The following PLAA variants were observed in gnomAD, a reference collection of about 807,000 sequenced individuals.
The protein encoded by PLAA is phospholipase A-2-activating protein.
A neutral mutation model predicts 84.1 loss-of-function variants in PLAA; 48 were observed. The observed-to-expected ratio is 0.57, with a 90% CI of 0.45 to 0.73. The LOEUF (loss-of-function observed/expected upper bound fraction) is 0.73. Ranked by LOEUF, PLAA falls within the 30% of genes least tolerant of loss-of-function variation. PLAA has a pLI of 0.00. For synonymous variants in PLAA, 392 were observed against 336.6 expected, an observed-to-expected ratio of 1.16 and a Z score of -1.80; for missense variants, 903 against 954.7, an observed-to-expected ratio of 0.95 and a Z score of 0.71.
intron 6 of PLAA, 149 bp downstream of exon 6, chr9:26,925,676 A>G (rs1824924934): frequency 1.6e-6 from 1 of 623,096 alleles, no homozygotes; most frequent in South Asian, 2.2e-5. Context: ...TGAAAGCTAT[A>G]ATATCTACTA....
intron 11 of PLAA, among the ~76,000 whole-genome samples, chr9:26,911,300 G>A (rs768861639): frequency 2.0e-5 from 3 of 152,124 alleles, no homozygotes; most frequent in Non-Finnish European, 4.4e-5. Flanking sequence ...TTACAGGCAT[G>A]AGCTACCACG....
At chr9:26,935,276 G>T in intron 1 of PLAA, 70 bp from the exon 2 acceptor site, 2 of 973,374 alleles carry the variant, frequency 2.1e-6, no homozygotes, top group Non-Finnish European at 3.0e-6. Context: ...AACTGTCAAA[G>T]CACTCATTTT....
chr9:26,909,883 C>T (rs1221968062), intron 12 of PLAA, among the ~76,000 whole-genome samples: 3 of 152,148 alleles, frequency 2.0e-5, no homozygotes, highest in African/African-American at 7.2e-5. Context: ...CTTGGCCTCC[C>T]AAAGTGCTGG....
intron 4 of PLAA, 90 bp downstream of exon 4, chr9:26,928,010 A>G: frequency 7.2e-7 from 1 of 1,382,834 alleles, no homozygotes; most frequent in Non-Finnish European, 9.9e-7. Context: ...AATGTTTTTC[A>G]AATATTTTCA....
rs1213857657 is a variant in PLAA at position 26,905,731 on chromosome 9, GCT to G, written c.2166_2167del (p.Lys722AsnfsTer8). 6.2e-7 allele frequency: 1 copy of G among 1,613,810 alleles called. No homozygotes were observed. The highest frequency in any genetic ancestry group is 8.5e-7 in the Non-Finnish European group (1 of 1,179,732). On this transcript the variant is annotated frameshift_variant, in exon 14 of 14. Transcript: ENST00000397292. LOFTEE classifies it high-confidence loss of function. Reference sequence around the variant, plus strand: ...TGTGCTAATTAGTGACAAACATTGGGCTTTCCCTTCAATGTTATGGTCTTTAT... The same window carrying G: ...TGTGCTAATTAGTGACAAACATTGGGTTCCCTTCAATGTTATGGTCTTTAT...
intron 1 of PLAA, among the ~76,000 whole-genome samples, chr9:26,941,714 C>T (rs931218449): frequency 2.0e-5 from 3 of 148,246 alleles, no homozygotes; most frequent in Non-Finnish European, 4.4e-5. Context: ...GAAACAAGGA[C>T]ATAATTTCAC....
At chr9:26,913,543 T>TA (rs1370875757) in intron 11 of PLAA, among the ~76,000 whole-genome samples, 5 of 152,166 alleles carry the variant, frequency 3.3e-5, no homozygotes, top group Non-Finnish European at 7.3e-5. Flanking sequence ...TTTACGACAG[T>TA]AAAACAGTAG....
intron 2 of PLAA, among the ~76,000 whole-genome samples, chr9:26,931,421 T>A (rs1825181637): frequency 6.6e-6 from 1 of 152,196 alleles, no homozygotes; most frequent in South Asian, 2.1e-4. Flanking sequence ...ATTACCATTA[T>A]GTGAAAGGCT....
intron 1 of PLAA, among the ~76,000 whole-genome samples, chr9:26,939,845 G>A (rs765392852): frequency 1.3e-4 from 20 of 152,052 alleles, no homozygotes; most frequent in Admixed American, 6.6e-4. Context: ...GGTACAGGAA[G>A]AAGATATAAC....
At chr9:26,909,252 A>G (rs2131365494) in intron 12 of PLAA, among the ~76,000 whole-genome samples, 1 of 152,346 alleles carries the variant, frequency 6.6e-6, no homozygotes, top group East Asian at 1.9e-4. Context: ...AGGTATTAAC[A>G]GCTTTAACTC....
chr9:26,907,311 C>T (rs1023355864), intron 13 of PLAA, among the ~76,000 whole-genome samples: 2 of 151,860 alleles, frequency 1.3e-5, no homozygotes, highest in Non-Finnish European at 2.9e-5. Context: ...GGGAGGATCA[C>T]GAGGTCAGGA....
At chr9:26,915,834 GTTCT>G (rs1824534358) in intron 10 of PLAA, 6 of 985,148 alleles carry the variant, frequency 6.1e-6, no homozygotes, top group Non-Finnish European at 7.2e-6. Flanking sequence ...AGCTTGATAT[GTTCT>G]TTCTGTTCCA....
intron 7 of PLAA, among the ~76,000 whole-genome samples, chr9:26,921,332 G>A (rs1824751920): frequency 6.6e-6 from 1 of 152,192 alleles, no homozygotes; most frequent in Non-Finnish European, 1.5e-5. Context: ...TACAGCTGTA[G>A]TTGTCTAGCC....
At chr9:26,914,455 G>C (rs1047853125) in intron 10 of PLAA, among the ~76,000 whole-genome samples, 37 of 151,928 alleles carry the variant, frequency 2.4e-4, no homozygotes, top group African/African-American at 8.2e-4. Context: ...CAGAATAATG[G>C]ATCAGCCTTT....
At position 26,904,204 on chromosome 9, in the gene PLAA, T is replaced by C. The variant is rs1368139522; in HGVS notation, c.*1307A>G. ...TGACAATTAGAACCTTTCTTGCCCA[T>C]TTGGGGAACAATTATTCTTCTAAGG... is the stretch of plus-strand genomic sequence containing the variant. On this transcript the variant is annotated 3_prime_UTR_variant, in exon 14 of 14. Transcript: ENST00000397292. 1 of 152,236 alleles carries C rather than the reference T, an allele frequency of 6.6e-6. No individual in the cohort carries two copies. Among genetic ancestry groups the C allele is most frequent in the Non-Finnish European group, 1.5e-5 (1 of 68,006 alleles). The allele number at this position is 152,236 out of a possible 1,614,324, so 9.4% of individuals were successfully genotyped here.
At chr9:26,934,904 T>C in intron 2 of PLAA, 109 bp downstream of exon 2, 2 of 804,300 alleles carry the variant, frequency 2.5e-6, no homozygotes, top group Non-Finnish European at 3.8e-6. Flanking sequence ...AAACCACAGA[T>C]ATAGGTAAAA....
At position 26,918,114 on chromosome 9, in the gene PLAA, AT is replaced by A. The variant is rs549868500; in HGVS notation, c.1418-950del. ...AGTTACTTTGATAATTTTTTTTAAA[AT>A]TTTTTGATTTTTTTCAGACGGAATC... On this transcript the variant is annotated intron_variant, in intron 9 of 13. Coordinates refer to ENST00000397292, the MANE Select transcript of PLAA (RefSeq NM_001031689.3). Among the ~76,000 whole-genome samples, 68 of 148,180 alleles carry A rather than the reference AT, an allele frequency of 4.6e-4. 2 individuals are homozygous for A. Among genetic ancestry groups the A allele is most frequent in the African/African-American group, 1.7e-3 (66 of 37,850 alleles).
chr9:26,905,476 A>G lies in PLAA; in HGVS notation c.*35T>C. On this transcript the variant is annotated 3_prime_UTR_variant, in exon 14 of 14. Transcript: ENST00000397292. ...TGTCAAATGTGAGGAAAAAAACACTAATCAATTAAAAATATCCGTCCCTCT... is the reference window on the plus strand; with the variant it reads ...TGTCAAATGTGAGGAAAAAAACACTGATCAATTAAAAATATCCGTCCCTCT... 4.2e-6 allele frequency: 6 copies of G among 1,413,502 alleles called. No homozygotes were observed. The highest frequency in any genetic ancestry group is 5.8e-6 in the Non-Finnish European group (6 of 1,026,832). The allele number at this position is 1,413,502 out of a possible 1,614,324, so 87.6% of individuals were successfully genotyped here. A position where few individuals can be genotyped will look rare whatever the true frequency, so the allele number is the denominator to read the frequency against.
intron 1 of PLAA, among the ~76,000 whole-genome samples, chr9:26,941,168 C>A (rs59129325): frequency 0.23 from 27,934 of 123,736 alleles, 3,278 homozygotes; most frequent in African/African-American, 0.35. Context: ...AAAAAAAAAA[C>A]AAAAACAAAA....
Sources: gnomAD v4.1 joint callset for allele counts (sites outside exome capture counted in the v4.1 genomes callset) on GRCh38, gnomAD v4.1.1 for gene constraint, MANE v1.5 for transcripts, NCBI Gene and HGNC (gene_info 2026-07-23, HGNC 2026-07-21) for gene names.